KCNH5: variants seen among roughly 807,000 people sequenced by gnomAD.
KCNH5 encodes potassium voltage-gated channel subfamily H member 5.
In KCNH5, 46 loss-of-function variants were observed where a neutral mutation model predicts 96.1. The ratio of observed to expected loss-of-function variants is 0.48; its 90% confidence interval spans 0.38 to 0.61. KCNH5 has a LOEUF of 0.61. Ranked by LOEUF, KCNH5 falls within the 20% of genes least tolerant of loss-of-function variation. KCNH5 has a pLI of 0.00. For synonymous variants in KCNH5, 439 were observed against 449.8 expected (o/e 0.98, Z 0.30); for missense variants, 907 against 1,225.8 (o/e 0.74, Z 3.88).
intron 8 of KCNH5, among the ~76,000 whole-genome samples, chr14:62,835,750 C>T (rs568360982): frequency 3.3e-5 from 5 of 151,690 alleles, no homozygotes; most frequent in Non-Finnish European, 7.4e-5. Context: ...TATAAAATAC[C>T]TTAAAAAATA....
chr14:62,817,388 A>G (rs1193069922), intron 8 of KCNH5, among the ~76,000 whole-genome samples: 1 of 148,966 alleles, frequency 6.7e-6, no homozygotes, highest in Non-Finnish European at 1.5e-5. Flanking sequence ...TAAGAATACA[A>G]TGAACACAGT....
intron 7 of KCNH5, among the ~76,000 whole-genome samples, chr14:62,941,400 C>A (rs1889787088): frequency 6.6e-6 from 1 of 152,152 alleles, no homozygotes; most frequent in Non-Finnish European, 1.5e-5. Flanking sequence ...ATCACACAGT[C>A]TTTTTCTAAC....
chr14:62,925,153 G>A (rs1889449880), intron 7 of KCNH5, among the ~76,000 whole-genome samples: 1 of 151,832 alleles, frequency 6.6e-6, no homozygotes, highest in Admixed American at 6.6e-5. Context: ...TTGCCCTGGT[G>A]CCTGTAGACC....
intron 6 of KCNH5, among the ~76,000 whole-genome samples, chr14:62,952,714 C>T (rs1170232137): frequency 1.3e-5 from 2 of 152,026 alleles, no homozygotes; most frequent in African/African-American, 4.8e-5. Context: ...AATCTTCACC[C>T]CATTCAAACT....
intron 2 of KCNH5, among the ~76,000 whole-genome samples, chr14:63,011,996 A>G (rs1194141294): frequency 6.6e-6 from 1 of 152,170 alleles, no homozygotes; most frequent in Non-Finnish European, 1.5e-5. Context: ...CCCTACCTAA[A>G]CTACCTGATT....
chr14:62,844,139 G>C (rs753250655), intron 8 of KCNH5, among the ~76,000 whole-genome samples: 9 of 151,584 alleles, frequency 5.9e-5, no homozygotes, highest in Non-Finnish European at 5.9e-5. Flanking sequence ...TCATATAATA[G>C]CATCTTCCTA....
chr14:62,804,539 T>C (rs1258743660), intron 8 of KCNH5, among the ~76,000 whole-genome samples: 1 of 151,942 alleles, frequency 6.6e-6, no homozygotes, highest in Non-Finnish European at 1.5e-5. Flanking sequence ...ACAATTGCAA[T>C]ACAATGAAAA....
At chr14:62,742,590 G>A (rs1307089081) in intron 10 of KCNH5, among the ~76,000 whole-genome samples, 1 of 152,190 alleles carries the variant, frequency 6.6e-6, no homozygotes, top group Non-Finnish European at 1.5e-5. Flanking sequence ...CCCCAGGTGA[G>A]TCTAAACTAC....
At chr14:62,974,405 A>G (rs1234639750) in intron 6 of KCNH5, among the ~76,000 whole-genome samples, 1 of 152,330 alleles carries the variant, frequency 6.6e-6, no homozygotes, top group East Asian at 1.9e-4. Flanking sequence ...ATTCAAATGC[A>G]TACTACAAAG....
chr14:62,781,481 A>T (rs1028170003), intron 9 of KCNH5, among the ~76,000 whole-genome samples: 1 of 152,196 alleles, frequency 6.6e-6, no homozygotes, highest in Non-Finnish European at 1.5e-5. Context: ...TGGGAGCGCT[A>T]TGGGAGACTG....
intron 3 of KCNH5, among the ~76,000 whole-genome samples, chr14:63,004,888 G>C (rs1891096986): frequency 6.6e-6 from 1 of 152,110 alleles, no homozygotes; most frequent in Non-Finnish European, 1.5e-5. Flanking sequence ...GCAAATGTTT[G>C]TTTATTTTGC....
At chr14:62,828,733 A>T (rs1235063618) in intron 8 of KCNH5, among the ~76,000 whole-genome samples, 3 of 152,124 alleles carry the variant, frequency 2.0e-5, no homozygotes, top group African/African-American at 7.2e-5. Flanking sequence ...GACCCAAAGC[A>T]TATCATTCCA....
intron 7 of KCNH5, among the ~76,000 whole-genome samples, chr14:62,872,918 A>C (rs1888286143): frequency 6.6e-6 from 1 of 152,190 alleles, no homozygotes. Context: ...TGGGAGGCCA[A>C]GGCTGGTGGA....
chr14:62,901,498 G>C (rs535772942), intron 7 of KCNH5, among the ~76,000 whole-genome samples: 6 of 152,212 alleles, frequency 3.9e-5, no homozygotes, highest in Admixed American at 2.0e-4. Context: ...CTGTTCCTGG[G>C]TTAATTCACT....
At chr14:62,758,570 AC>A (rs1404377340) in intron 10 of KCNH5, among the ~76,000 whole-genome samples, 10 of 152,346 alleles carry the variant, frequency 6.6e-5, no homozygotes, top group South Asian at 2.1e-4. Flanking sequence ...GAAGCAGCAC[AC>A]ATTGCTTTAA....
intron 7 of KCNH5, among the ~76,000 whole-genome samples, chr14:62,850,286 T>C (rs186516508): frequency 1.3e-5 from 2 of 152,318 alleles, no homozygotes; most frequent in Admixed American, 1.3e-4. Context: ...ACATATGCTC[T>C]TTCTCACTGC....
At chr14:63,043,457 T>A (rs2139636470) in intron 1 of KCNH5, among the ~76,000 whole-genome samples, 1 of 152,294 alleles carries the variant, frequency 6.6e-6, no homozygotes, top group Middle Eastern at 3.4e-3. Flanking sequence ...GTTTTAAGAG[T>A]AATATCCCCT....
At chr14:62,979,978 A>G (rs953470209) in intron 6 of KCNH5, among the ~76,000 whole-genome samples, 1 of 152,106 alleles carries the variant, frequency 6.6e-6, no homozygotes, top group Non-Finnish European at 1.5e-5. Context: ...ACCTGGTGAG[A>G]GGTGATTAGA....
intron 7 of KCNH5, among the ~76,000 whole-genome samples, chr14:62,887,656 G>A (rs115405474): frequency 0.018 from 2,691 of 152,144 alleles, 90 homozygotes; most frequent in African/African-American, 0.061. Context: ...AGAATATAGC[G>A]TTCCAGCTTC....
Sources: allele counts gnomAD v4.1 joint callset (sites outside exome capture counted in the v4.1 genomes callset), GRCh38; gene constraint gnomAD v4.1.1; transcripts MANE v1.5; gene names NCBI Gene and HGNC (gene_info 2026-07-23, HGNC 2026-07-21).